Variants in ASH1L observed in about 807,000 individuals in gnomAD.
ASH1L encodes the protein ASH1 like histone lysine methyltransferase.
Under a neutral mutation model 269.0 loss-of-function variants are expected in ASH1L, and 23 were observed. That is an observed-to-expected ratio of 0.09 (90% CI 0.06 to 0.12). The LOEUF (loss-of-function observed/expected upper bound fraction) is 0.12. Among genes scored for constraint, ASH1L ranks in the 10% least tolerant of loss-of-function variants. The pLI is 1.00. For missense variants in ASH1L, 2,912 were observed against 3,567.8 expected (o/e 0.82, Z 4.68); for synonymous variants, 1,187 against 1,253.5 (o/e 0.95, Z 1.12).
chr1:155,477,142 G>A (rs2148716210), intron 3 of ASH1L, among the ~76,000 whole-genome samples: 2 of 152,148 alleles, frequency 1.3e-5, no homozygotes, highest in Middle Eastern at 6.8e-3. Flanking sequence ...CTCTCACAAA[G>A]AACTTCTAAT....
At chr1:155,369,279 T>C (rs1313132769) in intron 12 of ASH1L, among the ~76,000 whole-genome samples, 1 of 151,952 alleles carries the variant, frequency 6.6e-6, no homozygotes, top group African/African-American at 2.4e-5. Flanking sequence ...CCGTCTCTAC[T>C]AAAAATACAA....
rs979868704 is a variant in ASH1L at position 155,545,746 on chromosome 1, T to C, written c.-100+16407A>G. Among the ~76,000 whole-genome samples, 10 of 152,148 alleles carry C rather than the reference T, an allele frequency of 6.6e-5. No individual in the cohort carries two copies. In the East Asian group the frequency reaches 1.4e-3, roughly 21 times the overall value. On this transcript the variant is annotated intron_variant, in intron 1 of 27. Transcript: ENST00000392403. ...TATTTTAAAAAGATTTGAGGCCAGGTGCAGTGGCTCATGCCTGTAACCCCA... is the reference window on the plus strand; with the variant it reads ...TATTTTAAAAAGATTTGAGGCCAGGCGCAGTGGCTCATGCCTGTAACCCCA...
intron 1 of ASH1L, among the ~76,000 whole-genome samples, chr1:155,557,069 T>C (rs1229805060): frequency 1.3e-5 from 2 of 152,066 alleles, no homozygotes; most frequent in African/African-American, 2.4e-5. Context: ...GAAAAAAGTA[T>C]ACAACCTTGT....
intron 21 of ASH1L, among the ~76,000 whole-genome samples, chr1:155,345,174 CTTTTT>C (rs397981613): frequency 3.1e-5 from 2 of 64,022 alleles, no homozygotes; most frequent in Admixed American, 2.5e-4. Flanking sequence ...CCAGGATGGT[CTTTTT>C]TTTTTTTTTT....
At chr1:155,508,223 TATGAAATG>T (rs1314936818) in intron 2 of ASH1L, among the ~76,000 whole-genome samples, 1 of 152,204 alleles carries the variant, frequency 6.6e-6, no homozygotes, top group Admixed American at 6.5e-5. Context: ...TCTGACAGCT[TATGAAATG>T]GCAGACACCA....
Position 155,500,184 on chromosome 1 carries a change from C to T in ASH1L, c.421-17735G>A, listed in dbSNP as rs142459493. On this transcript the variant is annotated intron_variant, in intron 2 of 27. Coordinates refer to ENST00000392403, the MANE Select transcript of ASH1L (RefSeq NM_018489.3). ...AGAAGTCATTTTGAGAAAAGAGTGACATCCTGTTTTATCTCCAAGGCTTTA... is the reference window on the plus strand; with the variant it reads ...AGAAGTCATTTTGAGAAAAGAGTGATATCCTGTTTTATCTCCAAGGCTTTA... Among the ~76,000 whole-genome samples the T allele has an allele frequency of 3.8e-3, 576 of 152,328 alleles. 5 individuals carry two copies. The highest frequency in any genetic ancestry group is 0.013 in the African/African-American group (552 of 41,568).
At chr1:155,502,149 C>G (rs1667555298) in intron 2 of ASH1L, among the ~76,000 whole-genome samples, 1 of 149,652 alleles carries the variant, frequency 6.7e-6, no homozygotes, top group Non-Finnish European at 1.5e-5. Context: ...TGGCTCACTG[C>G]AACCTCCGCC....
rs1233981474 is a variant in ASH1L at position 155,420,475 on chromosome 1, A to C, written c.5829-4552T>G. Among the ~76,000 whole-genome samples the C allele has an allele frequency of 2.0e-5, 3 of 151,678 alleles. No individual in the cohort carries two copies. The East Asian group carries it at 5.8e-4, about 29-fold the overall frequency. ...TTCTTTATAAATGTATAAATATAAT[A>C]AAGTACAAATTTAAAAGAAAACCAA... On this transcript the variant is annotated intron_variant, in intron 5 of 27. Coordinates refer to ENST00000392403, the MANE Select transcript of ASH1L (RefSeq NM_018489.3).
intron 2 of ASH1L, among the ~76,000 whole-genome samples, chr1:155,484,962 CAAAAA>C (rs1558156434): frequency 1.6e-5 from 2 of 122,496 alleles, no homozygotes; most frequent in African/African-American, 6.5e-5. Context: ...AAAACAAAAA[CAAAAA>C]CCAACCAACC....
chr1:155,359,010 C>T (rs1654696926), intron 13 of ASH1L, among the ~76,000 whole-genome samples: 2 of 152,246 alleles, frequency 1.3e-5, no homozygotes, highest in South Asian at 2.1e-4. Context: ...GTCCCAGCTA[C>T]TCAGAAGGTT....
chr1:155,362,747 A>G (rs1246073596), intron 12 of ASH1L, among the ~76,000 whole-genome samples: 2 of 152,184 alleles, frequency 1.3e-5, no homozygotes, highest in African/African-American at 2.4e-5. Flanking sequence ...TCTATTTTAT[A>G]TATGAAGTAT....
intron 1 of ASH1L, among the ~76,000 whole-genome samples, chr1:155,523,311 A>G (rs1669013594): frequency 6.6e-6 from 1 of 152,088 alleles, no homozygotes; most frequent in Non-Finnish European, 1.5e-5. Flanking sequence ...ACTGGGCAAC[A>G]TGGCAAAATC....
intron 10 of ASH1L, among the ~76,000 whole-genome samples, chr1:155,375,182 G>T (rs1490216750): frequency 6.6e-6 from 1 of 152,004 alleles, no homozygotes; most frequent in African/African-American, 2.4e-5. Context: ...AAAAAACCCT[G>T]AAGTATAAAT....
At chr1:155,427,735 G>A (rs1327820939) in intron 5 of ASH1L, among the ~76,000 whole-genome samples, 5 of 152,078 alleles carry the variant, frequency 3.3e-5, no homozygotes, top group African/African-American at 4.8e-5. Context: ...CACTGCACCC[G>A]GCCCCTGATA....
At chr1:155,362,489 A>G (rs190852878) in intron 12 of ASH1L, among the ~76,000 whole-genome samples, 12 of 151,998 alleles carry the variant, frequency 7.9e-5, no homozygotes, top group Non-Finnish European at 1.6e-4. Flanking sequence ...CATCCTCCTA[A>G]CAATTATATA....
chr1:155,550,488 T>G lies in ASH1L; in HGVS notation c.-100+11665A>C, dbSNP rs116479633. Among the ~76,000 whole-genome samples the G allele has an allele frequency of 7.0e-3, 1,070 of 152,318 alleles. 6 individuals carry two copies. The highest frequency in any genetic ancestry group is 0.01 in the Non-Finnish European group (708 of 68,016). ...GTCCCTGGCTACCTCTTCTATCTCCTATCACTATTCCCCCCTTTACTGTTT... is the reference window on the plus strand; with the variant it reads ...GTCCCTGGCTACCTCTTCTATCTCCGATCACTATTCCCCCCTTTACTGTTT... On this transcript the variant is annotated intron_variant, in intron 1 of 27. Coordinates refer to ENST00000392403, the MANE Select transcript of ASH1L (RefSeq NM_018489.3).
chr1:155,421,598 G>C (rs1660689532), intron 5 of ASH1L, among the ~76,000 whole-genome samples: 1 of 151,230 alleles, frequency 6.6e-6, no homozygotes, highest in Non-Finnish European at 1.5e-5. Flanking sequence ...ATGAACCCGG[G>C]AGGCAGAGGT....
intron 2 of ASH1L, among the ~76,000 whole-genome samples, chr1:155,513,519 T>C (rs969098881): frequency 6.7e-6 from 1 of 149,452 alleles, no homozygotes; most frequent in African/African-American, 2.5e-5. Flanking sequence ...TGCAGTGAGC[T>C]GTGATTATGC....
chr1:155,519,964 A>T (rs942219818), intron 2 of ASH1L, among the ~76,000 whole-genome samples: 5 of 152,080 alleles, frequency 3.3e-5, no homozygotes, highest in African/African-American at 9.7e-5. Context: ...CGGCAAGTAC[A>T]TTCGATATTA....
Sources: allele counts gnomAD v4.1 joint callset (sites outside exome capture counted in the v4.1 genomes callset), GRCh38; gene constraint gnomAD v4.1.1; transcripts MANE v1.5; gene names NCBI Gene and HGNC (gene_info 2026-07-23, HGNC 2026-07-21).